The following TMCC1 variants were observed in gnomAD, a reference collection of about 807,000 sequenced individuals.
TMCC1 encodes transmembrane and coiled-coil domains protein 1.
A neutral mutation model predicts 52.4 loss-of-function variants in TMCC1; 15 were observed. The ratio of observed to expected loss-of-function variants is 0.29; its 90% CI spans 0.19 to 0.44. TMCC1 has a LOEUF of 0.44. TMCC1 is among the 20% of genes least tolerant of loss of function. TMCC1 has a pLI of 1.00. For missense variants in TMCC1, 503 were observed against 806.0 expected, an observed-to-expected ratio of 0.62 and a Z score of 4.55; for synonymous variants, 279 against 301.9, an observed-to-expected ratio of 0.92 and a Z score of 0.79.
chr3:129,877,623 TC>T (rs1436761512), intron 2 of TMCC1, among the ~76,000 whole-genome samples: 1 of 145,592 alleles, frequency 6.9e-6, no homozygotes, highest in Non-Finnish European at 1.5e-5. Flanking sequence ...CATCCCTAAG[TC>T]TTTTTTTTTT....
In TMCC1 at chr3:129,652,601, A is replaced by C. The variant is rs145118432; in HGVS notation, c.1648-806T>G. 1.5e-4 allele frequency among the ~76,000 whole-genome samples: 23 copies of C among 152,360 alleles called. 1 individual carries two copies. In the East Asian group the frequency reaches 2.7e-3, roughly 18 times the overall value. ...ACCCTATAAACCATAAAATCTCATCAGTTTTTAAAAAAATTAACTGGTGTT... is the reference window on the plus strand; with the variant it reads ...ACCCTATAAACCATAAAATCTCATCCGTTTTTAAAAAAATTAACTGGTGTT... On this transcript the variant is annotated intron_variant, in intron 6 of 6. Transcript: ENST00000393238.
intron 4 of TMCC1, among the ~76,000 whole-genome samples, chr3:129,774,212 G>T (rs2054839784): frequency 6.6e-6 from 1 of 152,140 alleles, no homozygotes; most frequent in Non-Finnish European, 1.5e-5. Context: ...ACACTGCTGG[G>T]TCATGTGGAA....
intron 2 of TMCC1, among the ~76,000 whole-genome samples, chr3:129,877,291 T>C (rs2061260316): frequency 6.6e-6 from 1 of 152,212 alleles, no homozygotes; most frequent in South Asian, 2.1e-4. Context: ...AATTGTAGTA[T>C]TTGACACAGT....
At chr3:129,744,201 G>A (rs1236316192) in intron 4 of TMCC1, among the ~76,000 whole-genome samples, 1 of 152,202 alleles carries the variant, frequency 6.6e-6, no homozygotes, top group African/African-American at 2.4e-5. Flanking sequence ...AGGTCAAGGA[G>A]CTCTGGTAGC....
intron 2 of TMCC1, among the ~76,000 whole-genome samples, chr3:129,876,010 C>T (rs1394173446): frequency 6.6e-6 from 1 of 152,022 alleles, no homozygotes; most frequent in Non-Finnish European, 1.5e-5. Flanking sequence ...TGGCACATGC[C>T]TGTAATCCCA....
chr3:129,656,132 C>T (rs1008344149), intron 5 of TMCC1, among the ~76,000 whole-genome samples: 43 of 152,184 alleles, frequency 2.8e-4, no homozygotes, highest in African/African-American at 1.0e-3. Flanking sequence ...CGAGTCTTCT[C>T]ATAGTGGTGA....
At chr3:129,795,121 A>G (rs2056737476) in intron 4 of TMCC1, among the ~76,000 whole-genome samples, 1 of 152,190 alleles carries the variant, frequency 6.6e-6, no homozygotes, top group Non-Finnish European at 1.5e-5. Context: ...GGTGACTTCA[A>G]CTTGTGCCAA....
intron 4 of TMCC1, among the ~76,000 whole-genome samples, chr3:129,727,322 G>T (rs1209388362): frequency 6.6e-6 from 1 of 152,030 alleles, no homozygotes; most frequent in African/African-American, 2.4e-5. Context: ...TCTAGCCCCA[G>T]AATTAATTCT....
At chr3:129,841,943 T>A (rs768100922) in intron 2 of TMCC1, among the ~76,000 whole-genome samples, 6 of 152,162 alleles carry the variant, frequency 3.9e-5, no homozygotes, top group Non-Finnish European at 7.3e-5. Context: ...TCTTTATAGA[T>A]TACCCAGTCT....
At chr3:129,691,459 A>G (rs2047023215) in intron 4 of TMCC1, among the ~76,000 whole-genome samples, 1 of 152,020 alleles carries the variant, frequency 6.6e-6, no homozygotes, top group Non-Finnish European at 1.5e-5. Context: ...AACTAAAGCC[A>G]TAGGTCTTTA....
At chr3:129,664,217 A>G (rs1010521795) in intron 5 of TMCC1, among the ~76,000 whole-genome samples, 1 of 152,202 alleles carries the variant, frequency 6.6e-6, no homozygotes, top group Non-Finnish European at 1.5e-5. Flanking sequence ...TCTAGCCTAC[A>G]TATCGTCTGG....
chr3:129,779,966 T>C (rs1409770535), intron 4 of TMCC1, among the ~76,000 whole-genome samples: 5 of 152,140 alleles, frequency 3.3e-5, no homozygotes, highest in African/African-American at 1.2e-4. Flanking sequence ...TTCAATCATA[T>C]TTCTGATATT....
At chr3:129,838,944 A>G (rs1326659257) in intron 2 of TMCC1, among the ~76,000 whole-genome samples, 1 of 152,084 alleles carries the variant, frequency 6.6e-6, no homozygotes, top group Non-Finnish European at 1.5e-5. Flanking sequence ...TAAAGTGCTG[A>G]AAAGAAAACT....
chr3:129,861,384 G>A (rs773420053), intron 2 of TMCC1, among the ~76,000 whole-genome samples: 4 of 152,038 alleles, frequency 2.6e-5, no homozygotes, highest in Non-Finnish European at 5.9e-5. Context: ...AGGTTTCAGT[G>A]AGCCGAGATC....
rs1372158725 is a variant in TMCC1, at chr3:129,880,300, A to G, written c.-184+9T>C. On this transcript the variant is annotated intron_variant, in intron 2 of 6. Coordinates refer to ENST00000393238, the MANE Select transcript of TMCC1 (RefSeq NM_001017395.5). The stretch of plus-strand genomic sequence containing the variant: ...ATGTGATTTTGCAGTAGAAGAAAAA[A>G]CGACATACCTCCTCAAAATCCCAGC... The G allele has an allele frequency of 6.6e-6, 1 of 152,154 alleles. No individual in the cohort carries two copies. Among genetic ancestry groups the G allele is most frequent in the African/African-American group, 2.4e-5 (1 of 41,444 alleles). 9.4% of individuals were successfully genotyped at this position (152,154 alleles called of 1,614,324 possible).
rs901706212 is a variant in TMCC1 at position 129,649,423 on chromosome 3, T to C, written c.*2058A>G. Reference sequence around the variant, plus strand: ...TGGCATGAACATGAATTGGTTCTAATTTTTTTTTTTTTAAAGAAAAAAAGC... The same window carrying C: ...TGGCATGAACATGAATTGGTTCTAACTTTTTTTTTTTTAAAGAAAAAAAGC... On this transcript the variant is annotated 3_prime_UTR_variant, in exon 7 of 7. Coordinates refer to ENST00000393238, the MANE Select transcript of TMCC1 (RefSeq NM_001017395.5). The C allele has an allele frequency of 1.4e-5, 2 of 143,370 alleles. No individual in the cohort carries two copies. The highest frequency in any genetic ancestry group is 5.4e-5 in the African/African-American group (2 of 37,212). 8.9% of individuals were successfully genotyped at this position (143,370 alleles called of 1,614,324 possible). A position where few individuals can be genotyped will look rare whatever the true frequency, so the allele number is the denominator to read the frequency against.
chr3:129,796,564 A>G (rs1054914823), intron 4 of TMCC1, among the ~76,000 whole-genome samples: 2 of 152,172 alleles, frequency 1.3e-5, no homozygotes, highest in African/African-American at 4.8e-5. Flanking sequence ...TCATACCTGT[A>G]ATCCCAATGC....
intron 2 of TMCC1, among the ~76,000 whole-genome samples, chr3:129,855,184 T>C (rs1434696355): frequency 2.4e-4 from 37 of 152,234 alleles, no homozygotes. Flanking sequence ...CCTATTTACA[T>C]GAAGAAACCA....
intron 6 of TMCC1, among the ~76,000 whole-genome samples, chr3:129,654,006 C>T (rs559066774): frequency 5.3e-5 from 8 of 152,168 alleles, no homozygotes; most frequent in Non-Finnish European, 1.0e-4. Context: ...ATTTAACATA[C>T]GCCTAATTCC....
Sources: gnomAD v4.1 joint callset for allele counts (sites outside exome capture counted in the v4.1 genomes callset) on GRCh38, gnomAD v4.1.1 for gene constraint, MANE v1.5 for transcripts, NCBI Gene and HGNC (gene_info 2026-07-23, HGNC 2026-07-21) for gene names.